The following USP34 variants were observed in gnomAD, a reference collection of about 807,000 sequenced individuals.
The protein encoded by USP34 is ubiquitin specific peptidase 34.
In USP34, 70 loss-of-function variants were observed where a neutral mutation model predicts 460.3. The ratio of observed to expected loss-of-function variants is 0.15; its 90% CI spans 0.13 to 0.19. The LOEUF (loss-of-function observed/expected upper bound fraction) is 0.19, where lower values mean the gene tolerates loss of function less well. USP34 is among the 10% of genes least tolerant of loss of function. The pLI is 1.00. For synonymous variants in USP34, 1,647 were observed against 1,405.3 expected (o/e 1.17, Z -3.85); for missense variants, 3,985 against 4,236.2 (o/e 0.94, Z 1.65).
chr2:61,348,935 G>T, intron 13 of USP34, 49 bp from the exon 14 acceptor site: 1 of 1,543,092 alleles, frequency 6.5e-7, no homozygotes, highest in South Asian at 1.3e-5. Context: ...TATTAACATT[G>T]ACTTAACAGA....
chr2:61,350,992 T>A (rs1285009453), intron 10 of USP34, among the ~76,000 whole-genome samples: 2 of 152,138 alleles, frequency 1.3e-5, no homozygotes, highest in Non-Finnish European at 2.9e-5. Context: ...AGAGGCTGAG[T>A]TGGCAGCACA....
In USP34 at chr2:61,188,670, C is replaced by G. The variant is rs1483863079; in HGVS notation, c.10073G>C (p.Ser3358Thr). ...GTCTACAGTGTGCTCCTCATCACTG[C>G]TAACACGCCGCCTTTTAATGGGAGT... The part of the protein sequence containing the change: ...GATPIKRRRV[S>T]SDEEHTVDSC... Residue 3358 changes from serine (S) to threonine (T), a missense_variant, in exon 80 of 80, where the codon AGC becomes ACC. Physicochemically the swap from Ser to Thr is moderately conservative, Grantham distance 58. Coordinates refer to ENST00000398571, the MANE Select transcript of USP34 (RefSeq NM_014709.4). 1 of 1,614,014 alleles carries G rather than the reference C, an allele frequency of 6.2e-7. No homozygotes were observed. Among genetic ancestry groups the G allele is most frequent in the Non-Finnish European group, 8.5e-7 (1 of 1,180,004 alleles).
At chr2:61,330,026 T>C (rs567599264) in intron 20 of USP34, among the ~76,000 whole-genome samples, 4 of 152,122 alleles carry the variant, frequency 2.6e-5, no homozygotes, top group African/African-American at 9.7e-5. Context: ...AAAGTAGTGT[T>C]TGCGGAAATG....
intron 5 of USP34, among the ~76,000 whole-genome samples, chr2:61,393,987 G>A (rs1034210962): frequency 1.3e-5 from 2 of 152,078 alleles, no homozygotes; most frequent in Non-Finnish European, 2.9e-5. Flanking sequence ...CGGGCATGGT[G>A]GTTCGTGCCT....
In USP34 at chr2:61,188,706, T is replaced by A; in HGVS notation, c.10037A>T (p.Asp3346Val). Reference sequence around the variant, plus strand: ...CCTTTTAATGGGAGTTGCTCCTTCATCATCTGTGAAAACACATGCCAAAAG... The same window carrying A: ...CCTTTTAATGGGAGTTGCTCCTTCAACATCTGTGAAAACACATGCCAAAAG... ...QEAKERKTKD[D>V]EGATPIKRRR... is the part of the protein sequence containing the mutation. Residue 3346 changes from aspartate to valine, a missense_variant, in exon 80 of 80, where the codon GAT becomes GTT. Around this residue, in one of 14 missense-constraint regions of USP34, gnomAD observed 506 missense variants for 439.0 expected, o/e 1.15. Coordinates refer to ENST00000398571, the MANE Select transcript of USP34 (RefSeq NM_014709.4). 1 of 1,612,248 alleles carries A rather than the reference T, an allele frequency of 6.2e-7. No homozygotes were observed. Among genetic ancestry groups the A allele is most frequent in the Non-Finnish European group, 8.5e-7 (1 of 1,179,168 alleles).
chr2:61,342,535 C>T (rs1186244383), intron 16 of USP34, among the ~76,000 whole-genome samples: 1 of 151,620 alleles, frequency 6.6e-6, no homozygotes, highest in African/African-American at 2.4e-5. Flanking sequence ...TAGTCTCGAA[C>T]TCCTGACCTC....
rs202133746 is a variant in USP34 at position 61,218,164 on chromosome 2, G to GT, written c.8047+2145dup. On this transcript the variant is annotated intron_variant, in intron 67 of 79. Transcript: ENST00000398571. ...AAAACCTTTTTGGGGGTTCAGCATA[G>GT]TTTTTTTTTTTTGTTGGTTTTACGG... Among the ~76,000 whole-genome samples, 297 of 144,684 alleles carry GT rather than the reference G, an allele frequency of 2.1e-3. 1 individual carries two copies. Among genetic ancestry groups the GT allele is most frequent in the Middle Eastern group, 7.0e-3 (2 of 286 alleles). 94.9% of individuals were successfully genotyped at this position (144,684 alleles called of 152,430 possible).
chr2:61,455,038 T>C (rs1285670750), intron 1 of USP34, among the ~76,000 whole-genome samples: 3 of 151,772 alleles, frequency 2.0e-5, no homozygotes, highest in African/African-American at 7.3e-5. Flanking sequence ...CACGCCACAA[T>C]GCTAAGCTAA....
At chr2:61,201,205 TAGA>T (rs1686965459) in intron 75 of USP34, among the ~76,000 whole-genome samples, 1 of 147,888 alleles carries the variant, frequency 6.8e-6, no homozygotes. Context: ...TCCATCCTCA[TAGA>T]AAGTTTTTTT....
chr2:61,423,372 A>C (rs995849181), intron 1 of USP34, among the ~76,000 whole-genome samples: 2 of 152,282 alleles, frequency 1.3e-5, no homozygotes, highest in Admixed American at 6.5e-5. Context: ...TCAGCCTCCC[A>C]AAGTGCTGGG....
At chr2:61,230,291 A>G in intron 58 of USP34, among the ~76,000 whole-genome samples, 1 of 152,118 alleles carries the variant, frequency 6.6e-6, no homozygotes, top group East Asian at 1.9e-4. Context: ...GCACTTTGGG[A>G]GGCTGTGGTG....
At chr2:61,327,163 A>T (rs1406422930) in intron 20 of USP34, among the ~76,000 whole-genome samples, 2 of 152,130 alleles carry the variant, frequency 1.3e-5, no homozygotes, top group African/African-American at 4.8e-5. Context: ...AGCTTCCCAA[A>T]ATCGCACTAA....
intron 1 of USP34, among the ~76,000 whole-genome samples, chr2:61,466,281 C>G (rs1055309586): frequency 6.6e-6 from 1 of 151,916 alleles, no homozygotes; most frequent in African/African-American, 2.4e-5. Context: ...AAAAATTAGC[C>G]GGGCTTGGTG....
rs1402342918 is a variant in USP34, at chr2:61,222,699, G to C, written c.7750-36C>G. On this transcript the variant is annotated intron_variant, in intron 64 of 79. Transcript: ENST00000398571. ...AAGAGGAGGATTTCAGGATATTCTT[G>C]TTTTGTTTTGTTTTTGAGACAGGGT... 4 of 1,584,950 alleles carry C rather than the reference G, an allele frequency of 2.5e-6. No homozygotes were observed. In the Admixed American group the frequency reaches 5.2e-5, roughly 20 times the overall value.
chr2:61,353,651 A>C (rs1692021028), intron 10 of USP34, among the ~76,000 whole-genome samples: 1 of 149,760 alleles, frequency 6.7e-6, no homozygotes, highest in Non-Finnish European at 1.5e-5. Context: ...GGCTGGTCTT[A>C]AACTTCTGAC....
At chr2:61,399,972 T>A (rs547082622) in intron 3 of USP34, among the ~76,000 whole-genome samples, 1 of 152,090 alleles carries the variant, frequency 6.6e-6, no homozygotes, top group Admixed American at 6.6e-5. Flanking sequence ...CAATGATTTT[T>A]AAAGTCTTGC....
chr2:61,455,479 ATCAC>A (rs760321072), intron 1 of USP34, among the ~76,000 whole-genome samples: 4 of 151,954 alleles, frequency 2.6e-5, no homozygotes, highest in Non-Finnish European at 2.9e-5. Context: ...TTGTTTTTCA[ATCAC>A]TCAAAGATAG....
intron 3 of USP34, among the ~76,000 whole-genome samples, chr2:61,399,920 CTTATT>C (rs140991393): frequency 0.16 from 21,942 of 134,660 alleles, 2,176 homozygotes; most frequent in Middle Eastern, 0.27. Flanking sequence ...TTCAAAAGTT[CTTATT>C]TTAGGTAATC....
At chr2:61,210,024 T>C (rs1441381095) in intron 69 of USP34, among the ~76,000 whole-genome samples, 2 of 144,994 alleles carry the variant, frequency 1.4e-5, no homozygotes, top group Admixed American at 1.3e-4. Flanking sequence ...TTAAGTGTTA[T>C]GATAGTGTGT....
Sources: gnomAD v4.1 joint callset for allele counts (sites outside exome capture counted in the v4.1 genomes callset) on GRCh38, gnomAD v4.1.1 for gene constraint, gnomAD v4.1.1 regional missense constraint, MANE v1.5 for transcripts, NCBI Gene and HGNC (gene_info 2026-07-23, HGNC 2026-07-21) for gene names.